Variants in CCNJL observed in about 807,000 individuals in gnomAD.
CCNJL encodes cyclin J like, also known as cyclin-J-like protein.
A neutral mutation model predicts 33.4 loss-of-function variants in CCNJL; 33 were observed. The ratio of observed to expected loss-of-function variants is 0.99; its 90% CI spans 0.75 to 1.32. The LOEUF is 1.32. Among genes scored for constraint, CCNJL ranks in the 40% most tolerant of loss-of-function variants. The pLI is 0.00. For missense variants in CCNJL, 512 were observed against 499.7 expected, an observed-to-expected ratio of 1.02 and a Z score of -0.23; for synonymous variants, 227 against 220.9, an observed-to-expected ratio of 1.03 and a Z score of -0.24.
intron 1 of CCNJL, among the ~76,000 whole-genome samples, chr5:160,322,224 T>TA (rs1350009963): frequency 6.6e-6 from 1 of 152,242 alleles, no homozygotes; most frequent in African/African-American, 2.4e-5. Flanking sequence ...ATGTGGAACT[T>TA]AATCACGTCT....
intron 1 of CCNJL, 140 bp downstream of exon 1, chr5:160,312,224 G>A (rs971202314): frequency 8.1e-6 from 4 of 493,016 alleles, no homozygotes; most frequent in Non-Finnish European, 7.2e-6. Context: ...AAAAGTTGCA[G>A]AGAAAGTTGT....
chr5:160,258,487 G>A lies in CCNJL; in HGVS notation c.583+982C>T, dbSNP rs1761169777. ...CATGAAGCATCAGATCTTGCCTAAA[G>A]AGCAGTGGACCAAATATGAAGAGGA... On this transcript the variant is annotated intron_variant, in intron 4 of 5. Coordinates refer to ENST00000257536, the MANE Select transcript of CCNJL (RefSeq NM_001308173.3). 9 of 1,295,396 alleles carry A rather than the reference G, an allele frequency of 6.9e-6. No individual in the cohort carries two copies. In the East Asian group the frequency reaches 2.1e-4, roughly 30 times the overall value. The allele number at this position is 1,295,396 out of a possible 1,614,324, so 80.2% of individuals were successfully genotyped here.
At chr5:160,275,620 G>C (rs947416075) in intron 3 of CCNJL, among the ~76,000 whole-genome samples, 23 of 152,108 alleles carry the variant, frequency 1.5e-4, no homozygotes, top group Admixed American at 1.5e-3. Context: ...AAGTAGCGGG[G>C]ACTACAAGCA....
intron 2 of CCNJL, among the ~76,000 whole-genome samples, chr5:160,287,609 G>C (rs141784579): frequency 3.8e-4 from 58 of 152,362 alleles, no homozygotes; most frequent in African/African-American, 1.3e-3. Flanking sequence ...TTCCTCCCCA[G>C]GCACTCTTGA....
At chr5:160,329,240 A>G (rs1017647364) in intron 1 of CCNJL, among the ~76,000 whole-genome samples, 3 of 152,162 alleles carry the variant, frequency 2.0e-5, no homozygotes, top group Admixed American at 1.3e-4. Context: ...GCTAGGTGCT[A>G]TGTAGTCAAA....
At chr5:160,278,345 T>TG (rs1037089531) in intron 3 of CCNJL, among the ~76,000 whole-genome samples, 24 of 152,044 alleles carry the variant, frequency 1.6e-4, no homozygotes, top group African/African-American at 4.6e-4. Flanking sequence ...GATTGACAGG[T>TG]GGGGGGGCAA....
intron 1 of CCNJL, among the ~76,000 whole-genome samples, chr5:160,337,944 C>G (rs143303075): frequency 6.6e-6 from 1 of 152,292 alleles, no homozygotes; most frequent in African/African-American, 2.4e-5. Flanking sequence ...AATTTTGGGA[C>G]TTTCAGGGCT....
intron 1 of CCNJL, chr5:160,326,889 T>C (rs1763543509): frequency 2.9e-6 from 2 of 682,774 alleles, no homozygotes; most frequent in South Asian, 1.4e-5. Context: ...AAGAGATTCA[T>C]TCTAAAACAA....
chr5:160,280,173 C>A (rs1220871016), intron 3 of CCNJL, among the ~76,000 whole-genome samples: 1 of 152,152 alleles, frequency 6.6e-6, no homozygotes, highest in Non-Finnish European at 1.5e-5. Flanking sequence ...GGTTCTGGCA[C>A]CAGGCAGTTC....
intron 1 of CCNJL, among the ~76,000 whole-genome samples, chr5:160,331,041 C>T (rs531123292): frequency 2.4e-4 from 37 of 152,208 alleles, no homozygotes; most frequent in Non-Finnish European, 4.9e-4. Context: ...CTCTAATCCC[C>T]TGTCTTCCAT....
chr5:160,320,261 T>C (rs538229053), intron 1 of CCNJL, among the ~76,000 whole-genome samples: 70 of 152,350 alleles, frequency 4.6e-4, no homozygotes, highest in African/African-American at 1.6e-3. Context: ...CATTGCTCTT[T>C]GGAGCCTGAA....
rs1760901300 is a variant in CCNJL at position 160,253,485 on chromosome 5, T to C, written c.1057A>G (p.Met353Val). The C allele has an allele frequency of 6.2e-7, 1 of 1,613,972 alleles. No individual in the cohort carries two copies. Among genetic ancestry groups the C allele is most frequent in the Non-Finnish European group, 8.5e-7 (1 of 1,179,968 alleles). The stretch of plus-strand genomic sequence containing the variant: ...GGCTCAGCTGCAATGGCCATATGCA[T>C]GCTAAGGGATGCAGGGACGGGCACG... ...CPVPVPASLSMHMAIAAEPRH... is the reference protein window; with the variant it reads ...CPVPVPASLSVHMAIAAEPRH... The change falls in exon 6 of 6, where the codon ATG becomes GTG. Residue 353 changes from methionine to valine, a missense_variant. Transcript: ENST00000257536.
At chr5:160,278,874 C>G (rs374107576) in intron 3 of CCNJL, among the ~76,000 whole-genome samples, 2 of 152,208 alleles carry the variant, frequency 1.3e-5, no homozygotes, top group Non-Finnish European at 2.9e-5. Flanking sequence ...AGATGTTTCA[C>G]AAGCCCCGCA....
chr5:160,258,543 G>C lies in CCNJL; in HGVS notation c.583+926C>G. On this transcript the variant is annotated intron_variant, in intron 4 of 5. Coordinates refer to ENST00000257536, the MANE Select transcript of CCNJL (RefSeq NM_001308173.3). ...TCTACCTTGAACCGTATCTGAAAGA[G>C]GTTATTCGGGAAAGAAAAGAAAGAG... is the stretch of plus-strand genomic sequence containing the variant. The C allele has an allele frequency of 5.9e-6, 9 of 1,521,166 alleles. No individual in the cohort carries two copies. The South Asian group carries it at 1.0e-4, about 17-fold the overall frequency. The allele number at this position is 1,521,166 out of a possible 1,614,324, so 94.2% of individuals were successfully genotyped here.
intron 3 of CCNJL, among the ~76,000 whole-genome samples, chr5:160,276,611 C>A (rs1007104917): frequency 5.9e-5 from 9 of 151,996 alleles, no homozygotes; most frequent in African/African-American, 2.2e-4. Flanking sequence ...GCTGCCAGAG[C>A]TGGGGGATAG....
At chr5:160,274,612 G>A (rs1023737476) in intron 3 of CCNJL, among the ~76,000 whole-genome samples, 1 of 152,210 alleles carries the variant, frequency 6.6e-6, no homozygotes. Context: ...AAGGCCATGC[G>A]ACCACCTCCT....
intron 3 of CCNJL, among the ~76,000 whole-genome samples, chr5:160,279,664 C>A (rs1383886358): frequency 6.6e-6 from 1 of 151,856 alleles, no homozygotes; most frequent in African/African-American, 2.4e-5. Flanking sequence ...AGGTGGGCAG[C>A]GGGAGGGAGG....
chr5:160,318,967 TA>T (rs1424340015), intron 1 of CCNJL, among the ~76,000 whole-genome samples: 2 of 152,190 alleles, frequency 1.3e-5, no homozygotes, highest in African/African-American at 2.4e-5. Context: ...AATATCTCAA[TA>T]AAAAATTTTT....
At position 160,253,691 on chromosome 5, in the gene CCNJL, G is replaced by A; in HGVS notation, c.851C>T (p.Ala284Val). The change falls in exon 6 of 6, where the codon GCC becomes GTC. Residue 284 changes from alanine (A) to valine (V), a missense_variant. Transcript: ENST00000257536. The part of the protein sequence containing the change: ...TPTQVLFQPP[A>V]YPALGQPATT... Reference sequence around the variant, plus strand: ...CGCTGGCTGGCCGAGGGCCGGGTAGGCTGGTGGCTGGAACAGCACTTGAGT... The same window carrying A: ...CGCTGGCTGGCCGAGGGCCGGGTAGACTGGTGGCTGGAACAGCACTTGAGT... The A allele has an allele frequency of 1.9e-6, 3 of 1,606,638 alleles. No homozygotes were observed. Among genetic ancestry groups the A allele is most frequent in the African/African-American group, 1.3e-5 (1 of 74,972 alleles).
Sources: allele counts gnomAD v4.1 joint callset (sites outside exome capture counted in the v4.1 genomes callset), GRCh38; gene constraint gnomAD v4.1.1; transcripts MANE v1.5; gene names NCBI Gene and HGNC (gene_info 2026-07-23, HGNC 2026-07-21).